The following AK5 variants were observed in gnomAD, a reference collection of about 807,000 sequenced individuals.
The protein encoded by AK5 is adenylate kinase 5.
A neutral mutation model predicts 69.5 loss-of-function variants in AK5; 27 were observed. The observed-to-expected ratio is 0.39, with a 90% CI of 0.29 to 0.54. The LOEUF (loss-of-function observed/expected upper bound fraction) is 0.54, where lower values mean the gene tolerates loss of function less well. Among genes scored for constraint, AK5 ranks in the 20% least tolerant of loss-of-function variants. The pLI, the probability that AK5 is intolerant of heterozygous loss-of-function variation, is 0.71. For missense variants in AK5, 531 were observed against 700.4 expected (o/e 0.76, Z 2.73); for synonymous variants, 260 against 244.4 (o/e 1.06, Z -0.60).
intron 8 of AK5, among the ~76,000 whole-genome samples, chr1:77,471,628 G>A (rs1654516703): frequency 6.6e-6 from 1 of 152,116 alleles, no homozygotes; most frequent in South Asian, 2.1e-4. Context: ...GGGTCTTAAA[G>A]CCTATCCCCA....
intron 9 of AK5, among the ~76,000 whole-genome samples, chr1:77,485,022 T>G (rs1655498287): frequency 6.6e-6 from 1 of 152,126 alleles, no homozygotes; most frequent in Non-Finnish European, 1.5e-5. Flanking sequence ...AGATTGCAAA[T>G]AGGCTCAGAG....
intron 3 of AK5, among the ~76,000 whole-genome samples, chr1:77,296,545 AT>A (rs1341261097): frequency 1.3e-5 from 2 of 152,182 alleles, no homozygotes; most frequent in African/African-American, 4.8e-5. Flanking sequence ...ATGTGTCTGA[AT>A]TTTTTAAATT....
At chr1:77,482,565 G>A (rs1655317611) in intron 8 of AK5, among the ~76,000 whole-genome samples, 1 of 152,064 alleles carries the variant, frequency 6.6e-6, no homozygotes, top group Admixed American at 6.5e-5. Context: ...TTGAGGTCAG[G>A]AGTTTGAGAC....
intron 5 of AK5, among the ~76,000 whole-genome samples, chr1:77,338,391 G>A (rs1164910087): frequency 6.6e-6 from 1 of 152,170 alleles, no homozygotes; most frequent in East Asian, 1.9e-4. Flanking sequence ...AAGGAGTGTT[G>A]CTACAATAAA....
intron 6 of AK5, among the ~76,000 whole-genome samples, chr1:77,345,052 A>G (rs1426596063): frequency 4.6e-5 from 7 of 152,160 alleles, no homozygotes; most frequent in African/African-American, 1.7e-4. Context: ...ATGCATTCAA[A>G]ACTTTGTGCC....
chr1:77,490,033 T>C (rs1267595957), intron 10 of AK5, among the ~76,000 whole-genome samples: 1 of 152,244 alleles, frequency 6.6e-6, no homozygotes, highest in Non-Finnish European at 1.5e-5. Flanking sequence ...CCCTTGTGTC[T>C]ACATCATTCA....
chr1:77,549,221 A>AAC (rs1189849305), intron 13 of AK5, among the ~76,000 whole-genome samples: 1 of 152,140 alleles, frequency 6.6e-6, no homozygotes, highest in Non-Finnish European at 1.5e-5. Flanking sequence ...CACTGGTCAG[A>AAC]ACATCACTTA....
chr1:77,450,186 A>G (rs1321092334), intron 8 of AK5, among the ~76,000 whole-genome samples: 1 of 152,184 alleles, frequency 6.6e-6, no homozygotes, highest in Admixed American at 6.5e-5. Context: ...TATCACTATC[A>G]GCATTTTTGT....
At chr1:77,329,275 T>C (rs372678485) in intron 5 of AK5, among the ~76,000 whole-genome samples, 1 of 152,006 alleles carries the variant, frequency 6.6e-6, no homozygotes, top group Non-Finnish European at 1.5e-5. Flanking sequence ...GTTGTTATTA[T>C]TTTACTTTTA....
In AK5 at chr1:77,537,772, AC is replaced by A. The variant is rs557722607; in HGVS notation, c.1620+1735del. On this transcript the variant is annotated intron_variant, in intron 13 of 13. Coordinates refer to ENST00000354567, the MANE Select transcript of AK5 (RefSeq NM_174858.3). ...TCCGCTTTCCAGAATCCTAAGAAACACTGGGTATAGAAGTCTGAAAGATGCC... is the reference window on the plus strand; with the variant it reads ...TCCGCTTTCCAGAATCCTAAGAAACATGGGTATAGAAGTCTGAAAGATGCC... 2.2e-3 allele frequency among the ~76,000 whole-genome samples: 334 copies of A among 152,348 alleles called. 1 individual carries two copies. Among genetic ancestry groups the A allele is most frequent in the African/African-American group, 7.8e-3 (323 of 41,584 alleles).
chr1:77,310,667 C>T (rs1659898348), intron 5 of AK5, among the ~76,000 whole-genome samples: 2 of 152,132 alleles, frequency 1.3e-5, no homozygotes, highest in African/African-American at 4.8e-5. Flanking sequence ...AGGCATGAGC[C>T]ACCGCACCCG....
At chr1:77,350,645 C>T (rs376279051) in intron 6 of AK5, among the ~76,000 whole-genome samples, 4 of 152,164 alleles carry the variant, frequency 2.6e-5, no homozygotes, top group East Asian at 1.9e-4. Context: ...CCATCTGGCA[C>T]GGATGGCAAA....
Position 77,517,068 on chromosome 1 carries a change from C to CAA in AK5, c.1148-1482_1148-1481dup, listed in dbSNP as rs111239926. On this transcript the variant is annotated intron_variant, in intron 10 of 13. Coordinates refer to ENST00000354567, the MANE Select transcript of AK5 (RefSeq NM_174858.3). The stretch of plus-strand genomic sequence containing the variant: ...CCTGGTCGATAAAGCAAGACCATCT[C>CAA]AAAAAAAAAAAAAAAGAAGAAGAAG... Among the ~76,000 whole-genome samples, 857 of 136,198 alleles carry CAA rather than the reference C, an allele frequency of 6.3e-3. 4 individuals carry two copies. The highest frequency in any genetic ancestry group is 0.023 in the Middle Eastern group (6 of 256). The allele number at this position is 136,198 out of a possible 152,430, so 89.4% of individuals were successfully genotyped here.
intron 8 of AK5, among the ~76,000 whole-genome samples, chr1:77,422,119 C>T (rs1406443373): frequency 6.6e-6 from 1 of 152,204 alleles, no homozygotes; most frequent in East Asian, 1.9e-4. Flanking sequence ...AGGGCGTCTT[C>T]CTAGCCTCCT....
chr1:77,356,809 A>G (rs1479025037), intron 6 of AK5, among the ~76,000 whole-genome samples: 1 of 152,204 alleles, frequency 6.6e-6, no homozygotes, highest in Non-Finnish European at 1.5e-5. Flanking sequence ...ATTTCTGACA[A>G]GAGAGAAATT....
Position 77,297,626 on chromosome 1 carries a change from T to A in AK5, c.483T>A (p.Ile161=), listed in dbSNP as rs773356612. The A allele has an allele frequency of 2.5e-5, 40 of 1,613,828 alleles. No individual in the cohort carries two copies. The highest frequency in any genetic ancestry group is 2.2e-4 in the Admixed American group (13 of 59,944). ...CAGAACGATATGGATTCCAATACAT[T>A]TCTGTGGGAGAATTATTAAGAAAGA... ...KIAERYGFQY[I]SVGELLRKKI... is the part of the protein sequence containing the mutation. Residue 161 remains isoleucine, a synonymous_variant, in exon 4 of 14, where the codon ATT becomes ATA. Coordinates refer to ENST00000354567, the MANE Select transcript of AK5 (RefSeq NM_174858.3).
chr1:77,405,969 C>T (rs773722447), intron 6 of AK5, among the ~76,000 whole-genome samples: 4 of 152,146 alleles, frequency 2.6e-5, no homozygotes, highest in Non-Finnish European at 5.9e-5. Context: ...CCTTAGTTTC[C>T]ATTTTCTAGG....
chr1:77,454,949 T>C (rs2100663727), intron 8 of AK5, among the ~76,000 whole-genome samples: 1 of 152,352 alleles, frequency 6.6e-6, no homozygotes, highest in South Asian at 2.1e-4. Flanking sequence ...GCCTTTCCTT[T>C]TTTGCTCTAT....
chr1:77,427,628 T>C (rs72681629), intron 8 of AK5, among the ~76,000 whole-genome samples: 11,649 of 152,178 alleles, frequency 0.077, 586 homozygotes, highest in African/African-American at 0.13. Context: ...TGAACCATTC[T>C]CTATATACCA....
Sources: gnomAD v4.1 joint callset for allele counts (sites outside exome capture counted in the v4.1 genomes callset) on GRCh38, gnomAD v4.1.1 for gene constraint, MANE v1.5 for transcripts, NCBI Gene and HGNC (gene_info 2026-07-23, HGNC 2026-07-21) for gene names.